The following MUC5B variants were observed in gnomAD, a reference collection of about 807,000 sequenced individuals.
MUC5B encodes the protein mucin 5B, oligomeric mucus/gel-forming, also known as mucin-5B.
A neutral mutation model predicts 376.9 loss-of-function variants in MUC5B; 116 were observed. That is an observed-to-expected ratio of 0.31 (90% CI 0.26 to 0.36). The LOEUF is 0.36. MUC5B is among the 10% of genes least tolerant of loss of function. MUC5B has a pLI of 1.00. For synonymous variants in MUC5B, 3,517 were observed against 3,390.9 expected (o/e 1.04, Z -1.29); for missense variants, 7,165 against 7,769.9 (o/e 0.92, Z 2.93).
At chr11:1,225,637 G>A (rs756747828) in intron 1 of MUC5B, 44 bp from the exon 2 acceptor site, 16 of 1,550,916 alleles carry the variant, frequency 1.0e-5, no homozygotes, top group Non-Finnish European at 1.4e-5. Context: ...GTGGCTGGCA[G>A]CCACATCTAG....
rs758229521 is a variant in MUC5B, at chr11:1,242,994, C to A, written c.6114C>A (p.Thr2038=). ...TTTGATGSVA[T]PSSTPGTAHT... The stretch of plus-strand genomic sequence containing the variant: ...CTGGGGCCACCGGCTCTGTGGCCAC[C>A]CCCTCCTCCACCCCAGGAACAGCTC... The change falls in exon 31 of 49, where the codon ACC becomes ACA. Residue 2038 remains threonine (T), a synonymous_variant. Transcript: ENST00000529681. The A allele has an allele frequency of 4.1e-5, 66 of 1,612,954 alleles. 1 individual carries two copies. In the Middle Eastern group the frequency reaches 6.6e-4, roughly 16 times the overall value.
In MUC5B at chr11:1,240,216, C is replaced by G; in HGVS notation, c.3811C>G (p.Gln1271Glu). 1.2e-6 allele frequency: 2 copies of G among 1,612,460 alleles called. No homozygotes were observed. Among genetic ancestry groups the G allele is most frequent in the Non-Finnish European group, 1.7e-6 (2 of 1,178,824 alleles). The change falls in exon 30 of 49, where the codon CAG becomes GAG. Residue 1271 changes from glutamine (Q) to glutamate (E), a missense_variant. By Grantham distance (29) the Gln-to-Glu change is conservative. Coordinates refer to ENST00000529681, the MANE Select transcript of MUC5B (RefSeq NM_002458.3). ...CTYEDRTYSY[Q>E]DVIYNTTDGL... ...CTATGAGGACAGGACCTACAGCTAC[C>G]AGGACGTCATCTACAACACCACCGA...
chr11:1,226,492 C>A, intron 3 of MUC5B, 123 bp from the exon 4 acceptor site: 1 of 1,381,154 alleles, frequency 7.2e-7, no homozygotes, highest in Non-Finnish European at 9.8e-7. Flanking sequence ...GTGAGCCAGG[C>A]AGGGCACAGC....
At chr11:1,238,806 G>T (rs1217631130) in intron 25 of MUC5B, 65 bp from the exon 26 acceptor site, 1 of 1,515,760 alleles carries the variant, frequency 6.6e-7, no homozygotes, top group Non-Finnish European at 8.9e-7. Flanking sequence ...CTGGCCCTGG[G>T]CCAGCCACCC....
Position 1,232,722 on chromosome 11 carries a change from T to C in MUC5B, c.2017T>C (p.Cys673Arg). 1 of 1,600,860 alleles carries C rather than the reference T, an allele frequency of 6.2e-7. No individual in the cohort carries two copies. Among genetic ancestry groups the C allele is most frequent in the Non-Finnish European group, 8.5e-7 (1 of 1,174,366 alleles). ...CAALSSYVHA[C>R]AAKGVQLSDW... ...CGCGCTGTCCTCCTATGTGCACGCC[T>C]GTGCCGCCAAGGGCGTACAGCTCAG... is the stretch of plus-strand genomic sequence containing the variant. The change falls in exon 17 of 49, where the codon TGT (cysteine) becomes CGT (arginine). Residue 673 changes from cysteine to arginine, a missense_variant. Around this residue, in one of 31 missense-constraint regions of MUC5B, gnomAD observed 530 missense variants for 604.0 expected, o/e 0.88. Coordinates refer to ENST00000529681, the MANE Select transcript of MUC5B (RefSeq NM_002458.3).
In MUC5B at chr11:1,234,024, A is replaced by G. The variant is rs1434531516; in HGVS notation, c.2377+176A>G. 6.6e-6 allele frequency among the ~76,000 whole-genome samples: 1 copy of G among 151,826 alleles called. No homozygotes were observed. Among genetic ancestry groups the G allele is most frequent in the Non-Finnish European group, 1.5e-5 (1 of 67,936 alleles). On this transcript the variant is annotated intron_variant, in intron 19 of 48. Coordinates refer to ENST00000529681, the MANE Select transcript of MUC5B (RefSeq NM_002458.3). This position sits in a 1 kb window ranked among gnomAD's most constrained non-coding sequence, Gnocchi z 6.3. ...CTGACACGCCAGGGACGGAGGGGCC[A>G]GTGGGTCTCTGCCCCGCAGTGTGGC...
rs1458024587 is a variant in MUC5B, at chr11:1,249,588, T to C, written c.12708T>C (p.Ser4236=). 6.2e-7 allele frequency: 1 copy of C among 1,611,946 alleles called. No individual in the cohort carries two copies. Among genetic ancestry groups the C allele is most frequent in the Non-Finnish European group, 8.5e-7 (1 of 1,178,788 alleles). ...GHCPSTPATS[S]TAMPSSTPGT... is the part of the protein sequence containing the mutation. ...GCCCCAGCACCCCGGCCACCAGCTC[T>C]ACGGCCATGCCCTCCTCCACTCCGG... Residue 4236 remains serine, a synonymous_variant, in exon 31 of 49, where the codon TCT becomes TCC. Transcript: ENST00000529681.
Position 1,241,536 on chromosome 11 carries a change from G to A in MUC5B, c.4656G>A (p.Glu1552=). 2 of 1,612,940 alleles carry A rather than the reference G, an allele frequency of 1.2e-6. No individual in the cohort carries two copies. Among genetic ancestry groups the A allele is most frequent in the Non-Finnish European group, 1.7e-6 (2 of 1,179,568 alleles). ...CTAAGGACATAGAGTGCCAGGCCGA[G>A]AGCTTCCCCAACTGGACCCTGGCAC... is the stretch of plus-strand genomic sequence containing the variant. ...QQPKDIECQA[E]SFPNWTLAQV... Residue 1552 remains glutamate, a synonymous_variant, in exon 31 of 49, where the codon GAG becomes GAA. Transcript: ENST00000529681.
chr11:1,258,852 A>G lies in MUC5B; in HGVS notation c.16594-90A>G, dbSNP rs777005370. On this transcript the variant is annotated intron_variant, in intron 43 of 48. Coordinates refer to ENST00000529681, the MANE Select transcript of MUC5B (RefSeq NM_002458.3). The surrounding 1 kb of genome is among the most constrained non-coding windows in gnomAD (Gnocchi z 5.5). ...CTATGCTCCATCTGAGGAAGGAACA[A>G]CTCCCTGCAGGCCCCATTGGGTCAT... 1 of 1,505,316 alleles carries G rather than the reference A, an allele frequency of 6.6e-7. No homozygotes were observed. Among genetic ancestry groups the G allele is most frequent in the Non-Finnish European group, 8.9e-7 (1 of 1,120,766 alleles). The allele number at this position is 1,505,316 out of a possible 1,614,324, so 93.2% of individuals were successfully genotyped here.
rs760790938 is a variant in MUC5B at position 1,233,272 on chromosome 11, A to G, written c.2321+4A>G. The G allele has an allele frequency of 1.3e-6, 2 of 1,553,702 alleles. No homozygotes were observed. The highest frequency in any genetic ancestry group is 1.7e-6 in the Non-Finnish European group (2 of 1,151,416). ...TGCACGACGAGGGCGCCGTGTGGTAAGGGTCTGGGGGGAAAGCAGGCCCCC... is the reference window on the plus strand; with the variant it reads ...TGCACGACGAGGGCGCCGTGTGGTAGGGGTCTGGGGGGAAAGCAGGCCCCC... On this transcript the variant is annotated splice_donor_region_variant and intron_variant, in intron 18 of 48. Transcript: ENST00000529681.
chr11:1,254,953 C>A, intron 35 of MUC5B, 73 bp downstream of exon 35: 1 of 1,497,278 alleles, frequency 6.7e-7, no homozygotes, highest in Non-Finnish European at 8.9e-7. Flanking sequence ...ATAGGGGAAG[C>A]CTGGGGAGGG....
In MUC5B at chr11:1,242,352, A is replaced by C. The variant is rs1225773313; in HGVS notation, c.5472A>C (p.Ala1824=). The C allele has an allele frequency of 6.2e-7, 1 of 1,613,748 alleles. No individual in the cohort carries two copies. The highest frequency in any genetic ancestry group is 1.3e-5 in the African/African-American group (1 of 74,888). Residue 1824 remains alanine (A), a synonymous_variant, in exon 31 of 49, where the codon GCA becomes GCC. Coordinates refer to ENST00000529681, the MANE Select transcript of MUC5B (RefSeq NM_002458.3). ...IRAAGGKMCW[A]PKSIECRAEN... ...CTGCTGGGGGCAAGATGTGCTGGGC[A>C]CCAAAGAGCATAGAGTGCCGGGCGG... is the stretch of plus-strand genomic sequence containing the variant.
Position 1,254,713 on chromosome 11 carries a change from C to T in MUC5B, c.15497C>T (p.Pro5166Leu), listed in dbSNP as rs764462339. 5.6e-6 allele frequency: 9 copies of T among 1,612,506 alleles called. No homozygotes were observed. The highest frequency in any genetic ancestry group is 7.6e-6 in the Non-Finnish European group (9 of 1,179,628). Residue 5166 changes from proline to leucine, a missense_variant, in exon 35 of 49, where the codon CCG becomes CTG. Coordinates refer to ENST00000529681, the MANE Select transcript of MUC5B (RefSeq NM_002458.3). ...CCCCAGATCCTGTTTGACCAAATTC[C>T]GGTGAGCAGCGGTTTCAGCAAGAAC... ...EEGLILFDQI[P>L]VSSGFSKNGV...
rs765839253 is a variant in MUC5B at position 1,226,221 on chromosome 11, G to A, written c.144G>A (p.Ser48=). Residue 48 remains serine (S), a synonymous_variant, in exon 3 of 49, where the codon TCG becomes TCA. Coordinates refer to ENST00000529681, the MANE Select transcript of MUC5B (RefSeq NM_002458.3). ...HTMDGGAPTS[S]PTRRVSFVPP... ...CACCCACAGGTGCCCCGACGTCCTC[G>A]CCCACCCGGCGCGTGAGCTTTGTTC... is the stretch of plus-strand genomic sequence containing the variant. 19 of 1,553,688 alleles carry A rather than the reference G, an allele frequency of 1.2e-5. No homozygotes were observed. The African/African-American group carries it at 2.2e-4, about 18-fold the overall frequency.
Position 1,242,504 on chromosome 11 carries a change from G to A in MUC5B, c.5624G>A (p.Arg1875His), listed in dbSNP as rs754370321. Residue 1875 changes from arginine (R) to histidine (H), a missense_variant, in exon 31 of 49, where the codon CGT becomes CAT. Physicochemically the swap from Arg to His is conservative, Grantham distance 29. Transcript: ENST00000529681. ...RFNMCFNYNV[R>H]VLCCDDYSHC... ...AACATGTGCTTCAACTACAACGTGCGTGTGCTTTGCTGTGACGACTACAGC... is the reference window on the plus strand; with the variant it reads ...AACATGTGCTTCAACTACAACGTGCATGTGCTTTGCTGTGACGACTACAGC... 1.2e-6 allele frequency: 2 copies of A among 1,613,774 alleles called. No homozygotes were observed. The highest frequency in any genetic ancestry group is 1.1e-5 in the South Asian group (1 of 91,084).
In MUC5B at chr11:1,251,822, G is replaced by A. The variant is rs193199021; in HGVS notation, c.14863+79G>A. 147 of 1,049,472 alleles carry A rather than the reference G, an allele frequency of 1.4e-4. No homozygotes were observed. In the African/African-American group the frequency reaches 2.1e-3, roughly 15 times the overall value. 65.0% of individuals were successfully genotyped at this position (1,049,472 alleles called of 1,614,324 possible). A position where few individuals can be genotyped will look rare whatever the true frequency, so the allele number is the denominator to read the frequency against. ...CTGGGTCTGCCTGTCCTGGGAGCCA[G>A]TGGCTTTCTCCCTGCTGGTCATGTT... On this transcript the variant is annotated intron_variant, in intron 31 of 48. Coordinates refer to ENST00000529681, the MANE Select transcript of MUC5B (RefSeq NM_002458.3).
chr11:1,259,066 G>GC lies in MUC5B; in HGVS notation c.16713+5_16713+6insC, dbSNP rs1862925435. ...AACAATACTACCTGTCCCCAGGTGA[G>GC]ACCCGAGGCACCTGCCCCCAGGTGA... On this transcript the variant is annotated splice_donor_region_variant and intron_variant, in intron 44 of 48. Coordinates refer to ENST00000529681, the MANE Select transcript of MUC5B (RefSeq NM_002458.3). The GC allele has an allele frequency of 6.5e-7, 1 of 1,546,434 alleles. No homozygotes were observed. Among genetic ancestry groups the GC allele is most frequent in the South Asian group, 1.2e-5 (1 of 83,706 alleles).
Position 1,259,046 on chromosome 11 carries a change from T to C in MUC5B, c.16698T>C (p.Asn5566=). ...AATGTCAGGAGGATGCCTGCAACAA[T>C]ACTACCTGTCCCCAGGTGAGACCCG... ...TVQCQEDACN[N]TTCPQGFEYK... Residue 5566 remains asparagine (N), a synonymous_variant, in exon 44 of 49, where the codon AAT becomes AAC. Transcript: ENST00000529681. 1 of 1,552,282 alleles carries C rather than the reference T, an allele frequency of 6.4e-7. No individual in the cohort carries two copies. The highest frequency in any genetic ancestry group is 8.7e-7 in the Non-Finnish European group (1 of 1,148,490).
chr11:1,237,994 T>C (rs1862193422), intron 25 of MUC5B, among the ~76,000 whole-genome samples: 1 of 152,210 alleles, frequency 6.6e-6, no homozygotes, highest in Non-Finnish European at 1.5e-5. Flanking sequence ...GGGGCAGCAG[T>C]GGGCATACTC....
Sources: gnomAD v4.1 joint callset for allele counts (sites outside exome capture counted in the v4.1 genomes callset) on GRCh38, gnomAD v4.1.1 for gene constraint, gnomAD v4.1.1 regional missense constraint, Gnocchi (gnomAD v3.1) non-coding constraint, MANE v1.5 for transcripts, NCBI Gene and HGNC (gene_info 2026-07-23, HGNC 2026-07-21) for gene names.